Variants in IL2RB observed in about 807,000 individuals in gnomAD.
IL2RB encodes the protein interleukin 2 receptor subunit beta.
In IL2RB, 17 loss-of-function variants were observed where a neutral mutation model predicts 44.2. The ratio of observed to expected loss-of-function variants is 0.38; its 90% confidence interval spans 0.26 to 0.58. The LOEUF is 0.58. IL2RB is among the 20% of genes least tolerant of loss of function. The probability of loss-of-function intolerance (pLI) is 0.63; values close to 1 mark genes in which losing one functional copy is unlikely to be tolerated. For missense variants in IL2RB, 624 were observed against 685.5 expected, an observed-to-expected ratio of 0.91 and a Z score of 1.00; for synonymous variants, 286 against 297.9, an observed-to-expected ratio of 0.96 and a Z score of 0.41.
intron 3 of IL2RB, 136 bp from the exon 4 acceptor site, chr22:37,142,648 T>C (rs1480397250): frequency 1.3e-6 from 1 of 798,056 alleles, no homozygotes; most frequent in South Asian, 1.4e-5. Context: ...TGCCAACCAC[T>C]GTGAGGGGCA....
intron 4 of IL2RB, 95 bp downstream of exon 4, chr22:37,142,339 A>G: frequency 1.7e-6 from 2 of 1,163,932 alleles, no homozygotes; most frequent in Non-Finnish European, 2.6e-6. Context: ...ATTGGGCCTC[A>G]GCTCTTCCCC....
chr22:37,167,405 C>G (rs1923121671), intron 1 of IL2RB, among the ~76,000 whole-genome samples: 1 of 152,214 alleles, frequency 6.6e-6, no homozygotes, highest in Admixed American at 6.5e-5. Flanking sequence ...CAGCGACTGC[C>G]CTTGTAAAGT....
At chr22:37,138,505 C>T (rs983470184) in intron 5 of IL2RB, among the ~76,000 whole-genome samples, 1 of 152,232 alleles carries the variant, frequency 6.6e-6, no homozygotes, top group African/African-American at 2.4e-5. Flanking sequence ...CCAAGGTCAG[C>T]AGGCAGTCGC....
chr22:37,171,991 C>T (rs1207562012), intron 1 of IL2RB, among the ~76,000 whole-genome samples: 1 of 152,098 alleles, frequency 6.6e-6, no homozygotes, highest in African/African-American at 2.4e-5. Flanking sequence ...AGAGCTTTCC[C>T]CTGGGTTGAG....
upstream of IL2RB, among the ~76,000 whole-genome samples, chr22:37,154,661 C>T (rs1387515660): frequency 1.3e-5 from 2 of 151,632 alleles, no homozygotes; most frequent in African/African-American, 2.4e-5. Flanking sequence ...TTGCAAGCTC[C>T]GCCTCCCCGG....
At chr22:37,154,577 T>G (rs1253511026), upstream of IL2RB, among the ~76,000 whole-genome samples, 1 of 148,552 alleles carries the variant, frequency 6.7e-6, no homozygotes, top group African/African-American at 2.5e-5. Flanking sequence ...TTTTTTTTCT[T>G]TTTTTTTTTT....
intron 1 of IL2RB, among the ~76,000 whole-genome samples, chr22:37,161,564 C>T (rs959492722): frequency 3.3e-5 from 5 of 149,574 alleles, no homozygotes; most frequent in African/African-American, 1.2e-4. Context: ...TTCCTTCAAT[C>T]AGAAGCCTCA....
At position 37,128,481 on chromosome 22, in the gene IL2RB, C is replaced by T. The variant is rs1921249213; in HGVS notation, c.1271G>A (p.Arg424Lys). ...GGGGGAGAAGAGCAGCAGGTCATCC[C>T]TGGAGGGGAAGGTGCAGTAGGCGTC... is the stretch of plus-strand genomic sequence containing the variant. ...EDDAYCTFPS[R>K]DDLLLFSPSL... Residue 424 changes from arginine (R) to lysine (K), a missense_variant, in exon 10 of 10, where the codon AGG (arginine) becomes AAG (lysine). Arg to Lys is a conservative substitution (Grantham distance 26). Coordinates refer to ENST00000216223, the MANE Select transcript of IL2RB (RefSeq NM_000878.5). This position sits in a 1 kb window ranked among gnomAD's most constrained non-coding sequence, Gnocchi z 4.5. 2.5e-6 allele frequency: 4 copies of T among 1,597,768 alleles called. No homozygotes were observed. Among genetic ancestry groups the T allele is most frequent in the Non-Finnish European group, 3.4e-6 (4 of 1,169,444 alleles).
In IL2RB at chr22:37,142,488, C is replaced by A. The variant is rs1442193141; in HGVS notation, c.228G>T (p.Leu76=). The change falls in exon 4 of 10, where the codon CTG becomes CTT. Residue 76 remains leucine, a synonymous_variant. Coordinates refer to ENST00000216223, the MANE Select transcript of IL2RB (RefSeq NM_000878.5). ...CCCAGGATGCTTGACTCACGGGGAG[C>A]AGCTCACAGGTTTGGTTCCACCGCC... The part of the protein sequence containing the change: ...DRRRWNQTCE[L]LPVSQASWAC... 2 of 1,614,062 alleles carry A rather than the reference C, an allele frequency of 1.2e-6. No homozygotes were observed. Among genetic ancestry groups the A allele is most frequent in the Admixed American group, 1.7e-5 (1 of 59,998 alleles).
intron 1 of IL2RB, among the ~76,000 whole-genome samples, chr22:37,149,254 C>T (rs1025211821): frequency 1.1e-4 from 17 of 152,320 alleles, no homozygotes; most frequent in African/African-American, 3.8e-4. Context: ...AGGGACAAAC[C>T]CAGACTCAAA....
chr22:37,140,682 A>G (rs1254969656), intron 4 of IL2RB, among the ~76,000 whole-genome samples: 1 of 151,272 alleles, frequency 6.6e-6, no homozygotes, highest in African/African-American at 2.4e-5. Context: ...ATATAACCTG[A>G]TGGAAGATGT....
intron 3 of IL2RB, 121 bp from the exon 4 acceptor site, chr22:37,142,633 C>T: frequency 1.0e-6 from 1 of 957,994 alleles, no homozygotes; most frequent in Non-Finnish European, 1.7e-6. Context: ...AGGCTGGGGC[C>T]CCTGTGCCAA....
In IL2RB at chr22:37,127,300, A is replaced by T. The variant is rs1921164688; in HGVS notation, c.*796T>A. ...GAATAGTAACAGGGCCTCTTTCTCC[A>T]GGCGCCCTGGGTCCCTGACAGCTTC... On this transcript the variant is annotated 3_prime_UTR_variant, in exon 10 of 10. Transcript: ENST00000216223. 6.6e-6 allele frequency: 1 copy of T among 152,182 alleles called. No individual in the cohort carries two copies. The highest frequency in any genetic ancestry group is 6.5e-5 in the Admixed American group (1 of 15,276). The allele number at this position is 152,182 out of a possible 1,614,324, so 9.4% of individuals were successfully genotyped here.
chr22:37,173,366 T>C lies in IL2RB; in HGVS notation c.-34+1592A>G, dbSNP rs555334816. On this transcript the variant is annotated intron_variant, in intron 1 of 5. Coordinates refer to the IL2RB transcript ENST00000429622. ...CATGTGGGGTTTTGGCTCACCACAC[T>C]GTCCCCTGTGCTTAGCACAGGGCCA... 4.6e-5 allele frequency among the ~76,000 whole-genome samples: 7 copies of C among 152,318 alleles called. No homozygotes were observed. In the East Asian group the frequency reaches 1.4e-3, roughly 29 times the overall value.
chr22:37,159,814 G>C (rs1239437618), intron 1 of IL2RB, among the ~76,000 whole-genome samples: 1 of 152,180 alleles, frequency 6.6e-6, no homozygotes, highest in Non-Finnish European at 1.5e-5. Context: ...CATGGAGAAG[G>C]ACCCCCCACT....
intron 1 of IL2RB, among the ~76,000 whole-genome samples, chr22:37,156,648 G>A (rs1000570997): frequency 8.5e-5 from 13 of 152,220 alleles, no homozygotes; most frequent in South Asian, 4.1e-4. Flanking sequence ...CAAAGCTGCC[G>A]TAGCCACTTC....
At position 37,160,679 on chromosome 22, in the gene IL2RB, C is replaced by CA. The variant is rs10605445; in HGVS notation, c.-34+14278dup. Among the ~76,000 whole-genome samples, 1,046 of 136,010 alleles carry CA rather than the reference C, an allele frequency of 7.7e-3. 7 individuals carry two copies. The highest frequency in any genetic ancestry group is 0.016 in the East Asian group (77 of 4,732). 89.2% of individuals were successfully genotyped at this position (136,010 alleles called of 152,430 possible). A position where few individuals can be genotyped will look rare whatever the true frequency, so the allele number is the denominator to read the frequency against. On this transcript the variant is annotated intron_variant, in intron 1 of 5. Transcript: ENST00000429622. ...CAACATGCCGAAACCCTGTCTATGC[C>CA]AAAAAAAAAAAAAAAAAAATTTAGC... is the stretch of plus-strand genomic sequence containing the variant.
chr22:37,132,069 G>A (rs1921458983), intron 9 of IL2RB, among the ~76,000 whole-genome samples: 1 of 152,148 alleles, frequency 6.6e-6, no homozygotes, highest in Non-Finnish European at 1.5e-5. Context: ...TGCGTGCCAG[G>A]CAATGTACTC....
intron 1 of IL2RB, 107 bp downstream of exon 1, chr22:37,149,718 G>C (rs575180465): frequency 2.2e-6 from 1 of 448,370 alleles, no homozygotes; most frequent in African/African-American, 2.1e-5. Context: ...AGTTCAGGCA[G>C]AAACTGCTGG....
Sources: allele counts gnomAD v4.1 joint callset (sites outside exome capture counted in the v4.1 genomes callset), GRCh38; gene constraint gnomAD v4.1.1; non-coding constraint Gnocchi (gnomAD v3.1); transcripts MANE v1.5; gene names NCBI Gene and HGNC (gene_info 2026-07-23, HGNC 2026-07-21).